The following LUC7L variants were observed in gnomAD, a reference collection of about 807,000 sequenced individuals.
LUC7L encodes the protein putative RNA-binding protein Luc7-like 1.
In LUC7L, 29 loss-of-function variants were observed where a neutral mutation model predicts 51.1. The observed-to-expected ratio is 0.57, with a 90% CI of 0.42 to 0.77. LUC7L has a LOEUF of 0.77. Ranked by LOEUF, LUC7L falls within the 30% of genes least tolerant of loss-of-function variation. LUC7L has a pLI of 0.00. For synonymous variants in LUC7L, 181 were observed against 180.7 expected (o/e 1.00, Z -0.01); for missense variants, 403 against 511.9 (o/e 0.79, Z 2.05).
At chr16:204,341 A>G (rs1227133199) in intron 5 of LUC7L, among the ~76,000 whole-genome samples, 1 of 151,976 alleles carries the variant, frequency 6.6e-6, no homozygotes, top group African/African-American at 2.4e-5. Flanking sequence ...TCACTCCTGT[A>G]ATCCCAGCAG....
chr16:204,580 C>T lies in LUC7L; in HGVS notation c.510+1424G>A, dbSNP rs965163598. On this transcript the variant is annotated intron_variant, in intron 5 of 9. Transcript: ENST00000293872. ...CTGCACTCCAGCCTGGGGGACAGAG[C>T]GAGACTCCATCTCAAAAAAAAAAAA... is the stretch of plus-strand genomic sequence containing the variant. Among the ~76,000 whole-genome samples, 3 of 146,438 alleles carry T rather than the reference C, an allele frequency of 2.0e-5. No individual in the cohort carries two copies. The South Asian group carries it at 6.4e-4, about 31-fold the overall frequency.
intron 9 of LUC7L, 190 bp from the exon 10 acceptor site, chr16:189,529 T>C (rs185426595): frequency 1.4e-6 from 2 of 1,389,186 alleles, no homozygotes; most frequent in Admixed American, 3.0e-5. Context: ...AAAGTGACCT[T>C]TGCGAAGATT....
chr16:200,237 A>G (rs1172369345), intron 5 of LUC7L, among the ~76,000 whole-genome samples: 1 of 151,470 alleles, frequency 6.6e-6, no homozygotes, highest in Non-Finnish European at 1.5e-5. Flanking sequence ...CCTGGCTAAC[A>G]CGGTGAAACC....
chr16:191,404 T>C (rs550548209), intron 7 of LUC7L, among the ~76,000 whole-genome samples: 1 of 152,200 alleles, frequency 6.6e-6, no homozygotes, highest in Non-Finnish European at 1.5e-5. Context: ...TAAGGTCAAG[T>C]GGCCCCATGT....
At chr16:205,082 C>T (rs2049444935) in intron 5 of LUC7L, among the ~76,000 whole-genome samples, 2 of 152,188 alleles carry the variant, frequency 1.3e-5, no homozygotes. Context: ...TACAGTTATT[C>T]TTAGGCAGCC....
intron 5 of LUC7L, among the ~76,000 whole-genome samples, chr16:205,139 A>G (rs2049446227): frequency 6.6e-6 from 1 of 152,116 alleles, no homozygotes; most frequent in African/African-American, 2.4e-5. Context: ...ACATCTCTCT[A>G]CGGCGAATGC....
intron 2 of LUC7L, among the ~76,000 whole-genome samples, chr16:224,713 A>G (rs747243806): frequency 5.3e-4 from 81 of 151,750 alleles, no homozygotes; most frequent in Admixed American, 1.8e-3. Context: ...GGCGCCTATA[A>G]TCCCAGCTAC....
chr16:229,255 G>T, intron 1 of LUC7L, 24 bp downstream of exon 1: 8 of 1,530,590 alleles, frequency 5.2e-6, no homozygotes, highest in Non-Finnish European at 7.0e-6. Context: ...CCAGACCCTC[G>T]CCTGGTTGGC....
intron 5 of LUC7L, among the ~76,000 whole-genome samples, chr16:203,359 T>C (rs1012853795): frequency 5.9e-5 from 9 of 152,062 alleles, no homozygotes; most frequent in Admixed American, 1.3e-4. Context: ...AGAGAGAGTA[T>C]CTTCTAACTC....
chr16:203,375 A>T (rs1198398173), intron 5 of LUC7L, among the ~76,000 whole-genome samples: 3 of 152,122 alleles, frequency 2.0e-5, no homozygotes, highest in Admixed American at 1.3e-4. Context: ...AACTCCTTCT[A>T]TGGGGACATT....
intron 8 of LUC7L, 56 bp from the exon 9 acceptor site, chr16:190,191 GC>G: frequency 6.8e-7 from 1 of 1,460,738 alleles, no homozygotes; most frequent in African/African-American, 1.4e-5. Flanking sequence ...CACTATGAGG[GC>G]CCCACCCCTC....
chr16:207,736 G>A (rs139938588), intron 4 of LUC7L, among the ~76,000 whole-genome samples: 68 of 152,246 alleles, frequency 4.5e-4, no homozygotes, highest in Non-Finnish European at 8.5e-4. Context: ...AACGCCGGGC[G>A]CGGTGGCTCA....
At chr16:192,367 T>C (rs1013576125) in intron 7 of LUC7L, among the ~76,000 whole-genome samples, 2 of 152,024 alleles carry the variant, frequency 1.3e-5, no homozygotes, top group African/African-American at 4.8e-5. Flanking sequence ...AATGGCCCCA[T>C]AGCACTCAGT....
At chr16:207,931 C>T (rs886165537) in intron 4 of LUC7L, 147 bp downstream of exon 4, 1 of 518,496 alleles carries the variant, frequency 1.9e-6, no homozygotes, top group Non-Finnish European at 3.4e-6. Flanking sequence ...ATGGCATGAA[C>T]CCGGGAGGCG....
chr16:227,508 T>C, intron 1 of LUC7L, 172 bp from the exon 2 acceptor site: 1 of 1,430,636 alleles, frequency 7.0e-7, no homozygotes, highest in East Asian at 2.6e-5. Flanking sequence ...GGAATACACA[T>C]TTTTTTGAGG....
At chr16:223,453 G>A (rs574517597) in intron 2 of LUC7L, among the ~76,000 whole-genome samples, 3 of 152,170 alleles carry the variant, frequency 2.0e-5, no homozygotes, top group Non-Finnish European at 2.9e-5. Flanking sequence ...TAACATGGAG[G>A]CGGCAGACAA....
intron 3 of LUC7L, among the ~76,000 whole-genome samples, chr16:213,202 A>G (rs532193355): frequency 3.9e-5 from 6 of 152,312 alleles, no homozygotes; most frequent in East Asian, 1.9e-4. Context: ...CAGATAAAAC[A>G]TATCAAGGCC....
At chr16:227,414 C>A (rs988210872) in intron 1 of LUC7L, 78 bp from the exon 2 acceptor site, 2 of 1,530,054 alleles carry the variant, frequency 1.3e-6, no homozygotes, top group African/African-American at 1.4e-5. Flanking sequence ...AACAATTCAC[C>A]TGGATGATTT....
intron 6 of LUC7L, among the ~76,000 whole-genome samples, chr16:193,370 C>T (rs1317632088): frequency 1.3e-5 from 2 of 152,054 alleles, no homozygotes; most frequent in Non-Finnish European, 2.9e-5. Context: ...TGGTCTTGAT[C>T]TCTTGACCTT....
Sources: gnomAD v4.1 joint callset for allele counts (sites outside exome capture counted in the v4.1 genomes callset) on GRCh38, gnomAD v4.1.1 for gene constraint, MANE v1.5 for transcripts, NCBI Gene and HGNC (gene_info 2026-07-23, HGNC 2026-07-21) for gene names.